Variants in KIF26B observed in about 807,000 individuals in gnomAD.
KIF26B encodes kinesin-like protein KIF26B.
Under a neutral mutation model 151.2 loss-of-function variants are expected in KIF26B, and 63 were observed. The ratio of observed to expected loss-of-function variants is 0.42; its 90% confidence interval spans 0.34 to 0.51. The LOEUF (loss-of-function observed/expected upper bound fraction) is 0.51. Ranked by LOEUF, KIF26B falls within the 20% of genes least tolerant of loss-of-function variation. The pLI, the probability that KIF26B is intolerant of heterozygous loss-of-function variation, is 0.07. For missense variants in KIF26B, 2,813 were observed against 2,913.6 expected (o/e 0.97, Z 0.79); for synonymous variants, 1,357 against 1,262.1 (o/e 1.08, Z -1.59).
chr1:245,379,835 G>T (rs1388344285), intron 3 of KIF26B, among the ~76,000 whole-genome samples: 3 of 152,028 alleles, frequency 2.0e-5, no homozygotes, highest in African/African-American at 4.8e-5. Context: ...GCCAGGCATG[G>T]TGGCATGTGC....
At chr1:245,319,343 G>A (rs1331353607) in intron 2 of KIF26B, among the ~76,000 whole-genome samples, 3 of 152,124 alleles carry the variant, frequency 2.0e-5, no homozygotes. Flanking sequence ...CATTTTGCTG[G>A]GCCACTTCTT....
intron 3 of KIF26B, among the ~76,000 whole-genome samples, chr1:245,383,008 TAC>T (rs1019164410): frequency 2.6e-4 from 38 of 143,978 alleles, no homozygotes; most frequent in African/African-American, 3.4e-4. Flanking sequence ...TTTATATATA[TAC>T]ACACACACAC....
chr1:245,453,397 T>A (rs1017587838), intron 4 of KIF26B, among the ~76,000 whole-genome samples: 2 of 152,200 alleles, frequency 1.3e-5, no homozygotes, highest in African/African-American at 4.8e-5. Flanking sequence ...TTTATTTTTA[T>A]TTTTTAAAGT....
chr1:245,623,173 A>G (rs114444322), intron 9 of KIF26B, among the ~76,000 whole-genome samples: 2,540 of 152,012 alleles, frequency 0.017, 32 homozygotes, highest in South Asian at 0.056. Context: ...AATCAAGATA[A>G]TGAATATATT....
rs536388056 is a variant in KIF26B at position 245,632,557 on chromosome 1, G to A, written c.2099-13564G>A. 1.7e-4 allele frequency among the ~76,000 whole-genome samples: 26 copies of A among 152,308 alleles called. 1 individual carries two copies. The South Asian group carries it at 4.1e-3, about 24-fold the overall frequency. On this transcript the variant is annotated intron_variant, in intron 9 of 14. Transcript: ENST00000407071. Reference sequence around the variant, plus strand: ...CCATTTGGTCTGTAGTGCGGATTAAGTTCAATGTTTCTTTATTGATTTTCT... The same window carrying A: ...CCATTTGGTCTGTAGTGCGGATTAAATTCAATGTTTCTTTATTGATTTTCT...
At chr1:245,617,353 C>T (rs1433968465) in intron 9 of KIF26B, among the ~76,000 whole-genome samples, 1 of 152,234 alleles carries the variant, frequency 6.6e-6, no homozygotes, top group East Asian at 1.9e-4. Context: ...CCACCTCGGC[C>T]TCCCCAAAGT....
At chr1:245,556,368 CTTCTTCCTCCTTCTTCTTCTTCCTTCTTT>C (rs1369621791) in intron 5 of KIF26B, among the ~76,000 whole-genome samples, 3,558 of 141,370 alleles carry the variant, frequency 0.025, 182 homozygotes, top group African/African-American at 0.097. Flanking sequence ...CCTCCTTCTT[CTTCTTCCTCCTTCTTCTTCTTCCTTCTTT>C]CTTCTTTCTT....
At chr1:245,684,731 A>G (rs923617829) in intron 11 of KIF26B, among the ~76,000 whole-genome samples, 1 of 152,234 alleles carries the variant, frequency 6.6e-6, no homozygotes, top group Non-Finnish European at 1.5e-5. Context: ...TTTCTCATGC[A>G]TGGCCTCGGT....
chr1:245,230,381 G>A (rs1353576164), intron 2 of KIF26B, among the ~76,000 whole-genome samples: 1 of 152,096 alleles, frequency 6.6e-6, no homozygotes, highest in Admixed American at 6.6e-5. Context: ...ATTTTTGCTG[G>A]TCTAAGAAAA....
At chr1:245,289,665 A>G (rs12084520) in intron 2 of KIF26B, among the ~76,000 whole-genome samples, 89,626 of 151,760 alleles carry the variant, frequency 0.59, 26,759 homozygotes, top group Middle Eastern at 0.68. Flanking sequence ...TTGGGGGTGG[A>G]GGTGTGTTCA....
chr1:245,683,893 G>C (rs990857140), intron 10 of KIF26B, among the ~76,000 whole-genome samples: 3 of 152,202 alleles, frequency 2.0e-5, no homozygotes, highest in African/African-American at 7.2e-5. Context: ...ACCAGGCACA[G>C]AGCCCTTTCT....
chr1:245,623,975 G>A (rs557706898), intron 9 of KIF26B, among the ~76,000 whole-genome samples: 1 of 152,250 alleles, frequency 6.6e-6, no homozygotes, highest in East Asian at 1.9e-4. Context: ...GGTGGGAGGT[G>A]ATTACATCAT....
rs180688253 is a variant in KIF26B, at chr1:245,362,183, G to A, written c.466-4651G>A. 2.2e-4 allele frequency among the ~76,000 whole-genome samples: 34 copies of A among 151,304 alleles called. 1 individual carries two copies. The highest frequency in any genetic ancestry group is 1.7e-3 in the Admixed American group (26 of 15,174). Reference sequence around the variant, plus strand: ...CCTTCACACCCCATCAAGCACAGGCGGATCAGGAGATGTAAAGGTCAGGGA... The same window carrying A: ...CCTTCACACCCCATCAAGCACAGGCAGATCAGGAGATGTAAAGGTCAGGGA... On this transcript the variant is annotated intron_variant, in intron 2 of 14. Transcript: ENST00000407071.
Position 245,551,538 on chromosome 1 carries a change from C to G in KIF26B, c.1350+10588C>G, listed in dbSNP as rs149425571. On this transcript the variant is annotated intron_variant, in intron 5 of 14. Transcript: ENST00000407071. ...GCTTGGCCTTTCCCCTACCTTGTTC[C>G]GCATTCTATAAAAAGTGAAAAAGTA... 3.9e-5 allele frequency among the ~76,000 whole-genome samples: 6 copies of G among 152,218 alleles called. No homozygotes were observed. The East Asian group carries it at 1.2e-3, about 29-fold the overall frequency.
intron 3 of KIF26B, among the ~76,000 whole-genome samples, chr1:245,384,449 G>T (rs1380993954): frequency 1.3e-5 from 2 of 152,156 alleles, no homozygotes; most frequent in East Asian, 3.8e-4. Context: ...ATCAAGACAG[G>T]ATCTCTTTCT....
chr1:245,160,353 C>T (rs1241978676), intron 2 of KIF26B, among the ~76,000 whole-genome samples: 1 of 152,118 alleles, frequency 6.6e-6, no homozygotes, highest in East Asian at 1.9e-4. Context: ...GCCCTTTTAC[C>T]CACTGTAGCC....
intron 2 of KIF26B, among the ~76,000 whole-genome samples, chr1:245,191,088 GAGAT>G (rs1393737401): frequency 9.3e-6 from 1 of 107,536 alleles, no homozygotes; most frequent in East Asian, 2.8e-4. Flanking sequence ...AAAAAAAAAA[GAGAT>G]AAGAACCAGA....
chr1:245,511,105 A>G, intron 4 of KIF26B: 1 of 717,476 alleles, frequency 1.4e-6, no homozygotes, highest in Non-Finnish European at 2.6e-6. Context: ...ATGACTTATC[A>G]ATGATGATGG....
In KIF26B at chr1:245,708,726, A is replaced by G. The variant is rs1195414543; in HGVS notation, c.*6120A>G. 1 of 152,106 alleles carries G rather than the reference A, an allele frequency of 6.6e-6. No individual in the cohort carries two copies. Among genetic ancestry groups the G allele is most frequent in the Admixed American group, 6.6e-5 (1 of 15,258 alleles). 9.4% of individuals were successfully genotyped at this position (152,106 alleles called of 1,614,324 possible). A position where few individuals can be genotyped will look rare whatever the true frequency, so the allele number is the denominator to read the frequency against. On this transcript the variant is annotated 3_prime_UTR_variant, in exon 15 of 15. Transcript: ENST00000407071. Reference sequence around the variant, plus strand: ...TGATATATTACCTAACTCCTCCAGAACTCAGTTTTCTAACCTATAAAATGA... The same window carrying G: ...TGATATATTACCTAACTCCTCCAGAGCTCAGTTTTCTAACCTATAAAATGA...
Sources: allele counts gnomAD v4.1 joint callset (sites outside exome capture counted in the v4.1 genomes callset), GRCh38; gene constraint gnomAD v4.1.1; transcripts MANE v1.5; gene names NCBI Gene and HGNC (gene_info 2026-07-23, HGNC 2026-07-21).